The following CREBRF variants were observed in gnomAD, a reference collection of about 807,000 sequenced individuals.
The protein encoded by CREBRF is UPF0474 protein C5orf41.
CREBRF carries 5 observed loss-of-function variants against 66.1 expected under a neutral mutation model. That is an observed-to-expected ratio of 0.08 (90% CI 0.04 to 0.16). CREBRF has a LOEUF of 0.16. Ranked by LOEUF, CREBRF falls within the 10% of genes least tolerant of loss-of-function variation. The pLI, the probability that CREBRF is intolerant of heterozygous loss-of-function variation, is 1.00. For missense variants in CREBRF, 531 were observed against 744.9 expected (o/e 0.71, Z 3.34); for synonymous variants, 229 against 264.4 (o/e 0.87, Z 1.30).
At chr5:173,097,936 TC>T (rs1758517685) in intron 4 of CREBRF, among the ~76,000 whole-genome samples, 1 of 152,122 alleles carries the variant, frequency 6.6e-6, no homozygotes, top group Admixed American at 6.5e-5. Flanking sequence ...TTCTTCTTTT[TC>T]TACTTCCTTG....
intron 4 of CREBRF, among the ~76,000 whole-genome samples, chr5:173,095,484 T>C (rs1319144139): frequency 6.6e-6 from 1 of 152,120 alleles, no homozygotes; most frequent in African/African-American, 2.4e-5. Context: ...CCACCGTGCC[T>C]GGCCTATAAT....
intron 7 of CREBRF, among the ~76,000 whole-genome samples, chr5:173,115,455 A>G (rs930201141): frequency 2.0e-5 from 3 of 152,070 alleles, no homozygotes; most frequent in East Asian, 1.9e-4. Context: ...CCTGTTGAAT[A>G]TGGGAGAACC....
chr5:173,085,406 A>C, intron 2 of CREBRF: 1 of 1,004,826 alleles, frequency 1.0e-6, no homozygotes, highest in Non-Finnish European at 1.5e-6. Context: ...GTATCGTCAA[A>C]TACATTCTTT....
chr5:173,099,071 T>A (rs1758550108), intron 4 of CREBRF, among the ~76,000 whole-genome samples: 1 of 152,188 alleles, frequency 6.6e-6, no homozygotes, highest in Non-Finnish European at 1.5e-5. Flanking sequence ...CTATTTTGTC[T>A]GATGTAAGTA....
intron 1 of CREBRF, among the ~76,000 whole-genome samples, chr5:173,061,456 T>A (rs1757271278): frequency 6.6e-6 from 1 of 152,246 alleles, no homozygotes; most frequent in Non-Finnish European, 1.5e-5. Context: ...CTTGAAAAGC[T>A]GTTTAAAGCA....
chr5:173,101,965 C>G (rs565970028), intron 4 of CREBRF, among the ~76,000 whole-genome samples: 8 of 152,194 alleles, frequency 5.3e-5, no homozygotes, highest in African/African-American at 1.7e-4. Flanking sequence ...TGTAGGCTTT[C>G]TTTATTCTTT....
chr5:173,094,927 G>A (rs922251702), intron 4 of CREBRF, among the ~76,000 whole-genome samples: 2 of 151,990 alleles, frequency 1.3e-5, no homozygotes, highest in Non-Finnish European at 2.9e-5. Flanking sequence ...TTATGTTTAA[G>A]TCTTTAATCC....
At chr5:173,075,581 C>T (rs1456786806) in intron 1 of CREBRF, among the ~76,000 whole-genome samples, 1 of 152,142 alleles carries the variant, frequency 6.6e-6, no homozygotes, top group Non-Finnish European at 1.5e-5. Flanking sequence ...GAATATGAGG[C>T]AGATGGGTCC....
At chr5:173,092,288 T>G in intron 4 of CREBRF, 1 of 981,844 alleles carries the variant, frequency 1.0e-6, no homozygotes, top group Non-Finnish European at 1.2e-6. Context: ...CATCGTATTT[T>G]CCTATTTAAG....
chr5:173,123,226 C>A (rs1759184244), intron 8 of CREBRF, 24 bp downstream of exon 8: 2 of 1,582,888 alleles, frequency 1.3e-6, no homozygotes, highest in Non-Finnish European at 1.7e-6. Context: ...GAGATAAATT[C>A]ATAACAATTA....
intron 5 of CREBRF, chr5:173,110,255 C>T (rs1758841431): frequency 4.0e-6 from 2 of 497,574 alleles, no homozygotes; most frequent in South Asian, 3.7e-5. Context: ...ATCTGTCATG[C>T]TGGAACTAGA....
chr5:173,079,128 T>C (rs1211711458), intron 1 of CREBRF, among the ~76,000 whole-genome samples: 1 of 152,142 alleles, frequency 6.6e-6, no homozygotes, highest in Non-Finnish European at 1.5e-5. Context: ...GGGAGCAATC[T>C]AGTTATACTG....
chr5:173,075,025 T>A (rs1757718688), intron 1 of CREBRF, among the ~76,000 whole-genome samples: 1 of 152,228 alleles, frequency 6.6e-6, no homozygotes, highest in Non-Finnish European at 1.5e-5. Context: ...TCACAGATTC[T>A]TACAAGGTCA....
At chr5:173,058,183 T>G (rs1374888194) in intron 1 of CREBRF, among the ~76,000 whole-genome samples, 1 of 152,184 alleles carries the variant, frequency 6.6e-6, no homozygotes, top group Non-Finnish European at 1.5e-5. Context: ...AAAAATGGTA[T>G]GAATAATTCG....
intron 4 of CREBRF, among the ~76,000 whole-genome samples, chr5:173,099,489 T>C (rs1207097932): frequency 6.6e-6 from 1 of 152,208 alleles, no homozygotes; most frequent in Admixed American, 6.5e-5. Flanking sequence ...GATTTTCTTG[T>C]GGGCAACATA....
intron 1 of CREBRF, among the ~76,000 whole-genome samples, chr5:173,058,523 G>T (rs1757147146): frequency 6.7e-6 from 1 of 150,220 alleles, no homozygotes; most frequent in Non-Finnish European, 1.5e-5. Context: ...TCGCTCTGTC[G>T]CCCAGGCTGG....
intron 1 of CREBRF, among the ~76,000 whole-genome samples, 192 bp from the exon 2 acceptor site, chr5:173,080,388 TATAAG>T (rs1757906182): frequency 6.6e-6 from 1 of 151,804 alleles, no homozygotes; most frequent in African/African-American, 2.4e-5. Context: ...TTTAGAAAAA[TATAAG>T]AGGAGGAATG....
intron 4 of CREBRF, 73 bp downstream of exon 4, chr5:173,091,474 T>C: frequency 1.3e-6 from 2 of 1,536,034 alleles, no homozygotes; most frequent in Non-Finnish European, 1.7e-6. Flanking sequence ...TTTTTGTTTC[T>C]GTTTTGTTTG....
intron 1 of CREBRF, among the ~76,000 whole-genome samples, chr5:173,073,867 T>C (rs1757667471): frequency 6.6e-6 from 1 of 152,062 alleles, no homozygotes; most frequent in South Asian, 2.1e-4. Context: ...CTCGGGAAGC[T>C]GAGGCAGGAG....
Sources: allele counts gnomAD v4.1 joint callset (sites outside exome capture counted in the v4.1 genomes callset), GRCh38; gene constraint gnomAD v4.1.1; transcripts MANE v1.5; gene names NCBI Gene and HGNC (gene_info 2026-07-23, HGNC 2026-07-21).